ZMIZ1: variants seen among roughly 807,000 people sequenced by gnomAD.
The protein encoded by ZMIZ1 is zinc finger MIZ-type containing 1.
A neutral mutation model predicts 113.9 loss-of-function variants in ZMIZ1; 17 were observed. That is an observed-to-expected ratio of 0.15 (90% CI 0.10 to 0.22). The LOEUF (loss-of-function observed/expected upper bound fraction) is 0.22, where lower values mean the gene tolerates loss of function less well. ZMIZ1 is among the 10% of genes least tolerant of loss of function. ZMIZ1 has a pLI of 1.00. For missense variants in ZMIZ1, 1,059 were observed against 1,477.8 expected, an observed-to-expected ratio of 0.72 and a Z score of 4.65; for synonymous variants, 607 against 603.1, an observed-to-expected ratio of 1.01 and a Z score of -0.09.
chr10:79,095,249 G>T (rs1843131767), intron 1 of ZMIZ1, among the ~76,000 whole-genome samples: 1 of 152,192 alleles, frequency 6.6e-6, no homozygotes, highest in South Asian at 2.1e-4. Context: ...CTGGCCACAT[G>T]GTGAATGCTC....
intron 7 of ZMIZ1, among the ~76,000 whole-genome samples, chr10:79,269,069 G>A (rs952385855): frequency 1.3e-5 from 2 of 152,056 alleles, no homozygotes; most frequent in Admixed American, 6.5e-5. Context: ...AGGAACTTGC[G>A]ACATGTCAGA....
intron 7 of ZMIZ1, among the ~76,000 whole-genome samples, chr10:79,276,298 C>T (rs564409758): frequency 3.9e-5 from 6 of 152,216 alleles, no homozygotes; most frequent in Non-Finnish European, 8.8e-5. Context: ...GGAGGACAGG[C>T]CAGCTGAGAC....
At chr10:79,282,308 G>A (rs1381900718) in intron 8 of ZMIZ1, among the ~76,000 whole-genome samples, 1 of 152,200 alleles carries the variant, frequency 6.6e-6, no homozygotes, top group Non-Finnish European at 1.5e-5. Flanking sequence ...TTTCATTAAG[G>A]CGACATTGAG....
intron 7 of ZMIZ1, among the ~76,000 whole-genome samples, chr10:79,254,810 C>T (rs1048692833): frequency 1.3e-5 from 2 of 152,194 alleles, no homozygotes; most frequent in African/African-American, 2.4e-5. Flanking sequence ...TGAGGGACCT[C>T]GGCCTTGTTG....
At chr10:79,185,758 A>G (rs1847327464) in intron 4 of ZMIZ1, among the ~76,000 whole-genome samples, 1 of 152,124 alleles carries the variant, frequency 6.6e-6, no homozygotes, top group Admixed American at 6.5e-5. Flanking sequence ...TTGTGGATGA[A>G]TCTTCAGTTG....
chr10:79,202,056 C>CAAAA (rs55985942), intron 5 of ZMIZ1, among the ~76,000 whole-genome samples: 43 of 71,924 alleles, frequency 6.0e-4, no homozygotes, highest in African/African-American at 2.2e-3. Flanking sequence ...CAGTCGTTCT[C>CAAAA]AAAAAAAAAA....
intron 7 of ZMIZ1, among the ~76,000 whole-genome samples, chr10:79,235,079 A>G (rs1849535005): frequency 6.6e-6 from 1 of 152,010 alleles, no homozygotes; most frequent in African/African-American, 2.4e-5. Flanking sequence ...CAGGCCTCCC[A>G]CTCCTTGCCC....
In ZMIZ1 at chr10:79,314,095, C is replaced by G. The variant is rs1376935777; in HGVS notation, c.*1346C>G. On this transcript the variant is annotated 3_prime_UTR_variant, in exon 25 of 25. Transcript: ENST00000334512. ...GCCTGCACTCCTCCACCATCACAAT[C>G]TCACCCAAACTCCTGCTCACTCAAG... 2.2e-6 allele frequency: 1 copy of G among 456,990 alleles called. No individual in the cohort carries two copies. Among genetic ancestry groups the G allele is most frequent in the Non-Finnish European group, 4.4e-6 (1 of 227,002 alleles). The allele number at this position is 456,990 out of a possible 1,614,324, so 28.3% of individuals were successfully genotyped here.
rs1564699283 is a variant in ZMIZ1, at chr10:79,175,616, G to GTT, written c.-50+13484_-50+13485insTT. Among the ~76,000 whole-genome samples, 3 of 114,794 alleles carry GTT rather than the reference G, an allele frequency of 2.6e-5. 1 individual carries two copies. Among genetic ancestry groups the GTT allele is most frequent in the African/African-American group, 4.1e-5 (1 of 24,246 alleles). The allele number at this position is 114,794 out of a possible 152,430, so 75.3% of individuals were successfully genotyped here. A position where few individuals can be genotyped will look rare whatever the true frequency, so the allele number is the denominator to read the frequency against. On this transcript the variant is annotated intron_variant, in intron 4 of 24. Transcript: ENST00000334512. Reference sequence around the variant, plus strand: ...TGTGTGTGTGTGTGTGTGTGTGTGTGTGTGTGTGTGTGTGGAGGTTTTTAC... The same window carrying GTT: ...TGTGTGTGTGTGTGTGTGTGTGTGTGTTTGTGTGTGTGTGTGGAGGTTTTTAC...
In ZMIZ1 at chr10:79,313,032, A is replaced by G; in HGVS notation, c.*283A>G. ...GCCTGAAGACCACCCTCCCGAGAGG[A>G]ACCAGCCCGGTAAGAGGGCACACGC... is the stretch of plus-strand genomic sequence containing the variant. On this transcript the variant is annotated 3_prime_UTR_variant, in exon 25 of 25. Transcript: ENST00000334512. 2.2e-6 allele frequency: 1 copy of G among 456,858 alleles called. No homozygotes were observed. Among genetic ancestry groups the G allele is most frequent in the Non-Finnish European group, 3.9e-6 (1 of 253,576 alleles). The allele number at this position is 456,858 out of a possible 1,614,324, so 28.3% of individuals were successfully genotyped here.
chr10:79,123,884 G>A (rs1844406271), intron 2 of ZMIZ1, among the ~76,000 whole-genome samples: 1 of 152,248 alleles, frequency 6.6e-6, no homozygotes, highest in Admixed American at 6.5e-5. Flanking sequence ...GCCACACGGA[G>A]CTGGGATTCC....
chr10:79,183,402 A>C (rs542259695), intron 4 of ZMIZ1, among the ~76,000 whole-genome samples: 12 of 152,236 alleles, frequency 7.9e-5, no homozygotes, highest in Admixed American at 2.6e-4. Flanking sequence ...CCATGTGTGC[A>C]GAGACACAGT....
chr10:79,106,661 G>T (rs548037873), intron 1 of ZMIZ1, among the ~76,000 whole-genome samples: 1 of 152,228 alleles, frequency 6.6e-6, no homozygotes, highest in South Asian at 2.1e-4. Context: ...GCCCTGGAGG[G>T]TCAACACTCA....
chr10:79,312,799 T>G lies in ZMIZ1; in HGVS notation c.*50T>G. The G allele has an allele frequency of 6.4e-7, 1 of 1,553,274 alleles. No homozygotes were observed. Among genetic ancestry groups the G allele is most frequent in the Non-Finnish European group, 8.9e-7 (1 of 1,125,924 alleles). On this transcript the variant is annotated 3_prime_UTR_variant, in exon 25 of 25. Transcript: ENST00000334512. ...TCCACACTCTGCATCCTACCCCACC[T>G]ACCCAACACACTTTTCCACCTGGGA...
intron 8 of ZMIZ1, among the ~76,000 whole-genome samples, chr10:79,286,751 G>A (rs189285892): frequency 7.1e-4 from 108 of 152,364 alleles, no homozygotes; most frequent in African/African-American, 2.4e-3. Flanking sequence ...GCTCACCCAC[G>A]GAGCTGCAGG....
chr10:79,078,750 A>G (rs1344749751), intron 1 of ZMIZ1, among the ~76,000 whole-genome samples: 2 of 130,012 alleles, frequency 1.5e-5, no homozygotes, highest in African/African-American at 3.0e-5. Flanking sequence ...GTGTTTCACC[A>G]TATTGCCCAG....
intron 3 of ZMIZ1, among the ~76,000 whole-genome samples, chr10:79,141,367 C>A (rs1049057030): frequency 2.6e-5 from 4 of 152,136 alleles, no homozygotes; most frequent in Non-Finnish European, 5.9e-5. Flanking sequence ...GGTCAGGTGA[C>A]GCTAAGTTTT....
At chr10:79,075,337 A>G (rs992199936) in intron 1 of ZMIZ1, among the ~76,000 whole-genome samples, 1 of 152,204 alleles carries the variant, frequency 6.6e-6, no homozygotes, top group Non-Finnish European at 1.5e-5. Flanking sequence ...GATGGCTGGT[A>G]GCAGTGGAGC....
intron 23 of ZMIZ1, among the ~76,000 whole-genome samples, chr10:79,308,073 G>A (rs967929338): frequency 1.3e-5 from 2 of 152,196 alleles, no homozygotes; most frequent in Non-Finnish European, 2.9e-5. Flanking sequence ...CACACTTATC[G>A]ACATATGCCC....
Sources: allele counts gnomAD v4.1 joint callset (sites outside exome capture counted in the v4.1 genomes callset), GRCh38; gene constraint gnomAD v4.1.1; transcripts MANE v1.5; gene names NCBI Gene and HGNC (gene_info 2026-07-23, HGNC 2026-07-21).